The following SMAD3 variants were observed in gnomAD, a reference collection of about 807,000 sequenced individuals.
SMAD3 encodes the protein MAD homolog 3.
SMAD3 carries 12 observed loss-of-function variants against 51.8 expected under a neutral mutation model. That is an observed-to-expected ratio of 0.23 (90% confidence interval 0.15 to 0.38). The LOEUF is 0.38. Among genes scored for constraint, SMAD3 ranks in the 10% least tolerant of loss-of-function variants. The probability of loss-of-function intolerance (pLI) is 1.00; values close to 1 mark genes in which losing one functional copy is unlikely to be tolerated. For synonymous variants in SMAD3, 238 were observed against 227.7 expected (o/e 1.05, Z -0.41); for missense variants, 294 against 565.6 (o/e 0.52, Z 4.87).
chr15:67,077,889 G>C (rs893735954), intron 1 of SMAD3: 8 of 152,288 alleles, frequency 5.3e-5, no homozygotes, highest in African/African-American at 1.9e-4. Context: ...GCCAAACTTC[G>C]TACTTTGTGT....
At chr15:67,137,999 G>C (rs146714608) in intron 1 of SMAD3, 6 of 1,459,054 alleles carry the variant, frequency 4.1e-6, no homozygotes, top group Non-Finnish European at 4.7e-6. Flanking sequence ...CCTCCCTCCC[G>C]TCCCTGTGAC....
At chr15:67,187,094 C>T (rs935561130) in intron 7 of SMAD3, 10 of 623,856 alleles carry the variant, frequency 1.6e-5, no homozygotes, top group Admixed American at 8.4e-5. Context: ...CTCTGGGAGT[C>T]GGAGCTTGTG....
chr15:67,181,377 T>C lies in SMAD3; in HGVS notation c.795T>C (p.Asn265=). The C allele has an allele frequency of 6.2e-7, 1 of 1,614,118 alleles. No homozygotes were observed. The highest frequency in any genetic ancestry group is 8.5e-7 in the Non-Finnish European group (1 of 1,180,020). The change falls in exon 6 of 9, where the codon AAT becomes AAC. Residue 265 remains asparagine, a synonymous_variant. Coordinates refer to ENST00000327367, the MANE Select transcript of SMAD3 (RefSeq NM_005902.4). ...MTVDGFTDPS[N]SERFCLGLLS... ...TGGATGGCTTCACCGACCCCTCCAA[T>C]TCGGAGCGCTTCTGCCTAGGGCTGC...
rs906017041 is a variant in SMAD3, at chr15:67,126,091, G to A, written c.207-38804G>A. The A allele has an allele frequency of 1.6e-5, 8 of 503,346 alleles. No individual in the cohort carries two copies. The Admixed American group carries it at 1.9e-4, about 12-fold the overall frequency. 31.2% of individuals were successfully genotyped at this position (503,346 alleles called of 1,614,324 possible). On this transcript the variant is annotated intron_variant, in intron 1 of 8. Coordinates refer to ENST00000327367, the MANE Select transcript of SMAD3 (RefSeq NM_005902.4). ...ACTCCCTGAGTCCTTAGGGAATTGC[G>A]TAGTTTTTTTCTTTTCTTTTCTGGG...
chr15:67,163,903 C>T (rs1962497311), intron 1 of SMAD3, among the ~76,000 whole-genome samples: 1 of 141,480 alleles, frequency 7.1e-6, no homozygotes, highest in South Asian at 2.2e-4. Flanking sequence ...CATGCCACTG[C>T]ACTCCAGCCT....
intron 4 of SMAD3, among the ~76,000 whole-genome samples, chr15:67,168,704 C>T (rs77813578): frequency 0.055 from 8,359 of 152,188 alleles, 308 homozygotes; most frequent in Admixed American, 0.095. Context: ...TCCCTTCTTC[C>T]TTTCTTCTCA....
At chr15:67,090,663 G>A (rs1426278591) in intron 1 of SMAD3, among the ~76,000 whole-genome samples, 2 of 152,118 alleles carry the variant, frequency 1.3e-5, no homozygotes, top group African/African-American at 4.8e-5. Context: ...AGGCTGAGCT[G>A]TTGTCCCCTG....
chr15:67,104,358 A>G (rs573080544), intron 1 of SMAD3, among the ~76,000 whole-genome samples: 17 of 152,218 alleles, frequency 1.1e-4, no homozygotes, highest in Admixed American at 3.3e-4. Flanking sequence ...ATCGGGGAAG[A>G]GACACTAATC....
intron 1 of SMAD3, among the ~76,000 whole-genome samples, chr15:67,157,148 G>C (rs1383648359): frequency 6.6e-6 from 1 of 152,236 alleles, no homozygotes; most frequent in Admixed American, 6.5e-5. Flanking sequence ...AAGTTTGTCT[G>C]AAAGTGACTA....
rs779179350 is a variant in SMAD3, at chr15:67,181,266, GC to G, written c.686del (p.Pro229ArgfsTer12). The G allele has an allele frequency of 6.2e-7, 1 of 1,613,234 alleles. No homozygotes were observed. Among genetic ancestry groups the G allele is most frequent in the East Asian group, 2.2e-5 (1 of 44,878 alleles). ...LDLQPVTYCEPAFWCSISYYE... is the reference protein window; with the variant it reads ...LDLQPVTYCEXAFWCSISYYE... Reference sequence around the variant, plus strand: ...ACCTGCAGCCAGTTACCTACTGCGAGCCGGCCTTCTGGTGCTCCATCTCCTA... The same window carrying G: ...ACCTGCAGCCAGTTACCTACTGCGAGCGGCCTTCTGGTGCTCCATCTCCTA... On this transcript the variant is annotated frameshift_variant, in exon 6 of 9. Transcript: ENST00000327367. LOFTEE classifies it high-confidence loss of function.
chr15:67,190,681 C>A lies in SMAD3; in HGVS notation c.*145C>A. 1.2e-6 allele frequency: 1 copy of A among 814,824 alleles called. No individual in the cohort carries two copies. Among genetic ancestry groups the A allele is most frequent in the South Asian group, 1.6e-5 (1 of 61,786 alleles). 50.5% of individuals were successfully genotyped at this position (814,824 alleles called of 1,614,324 possible). A position where few individuals can be genotyped will look rare whatever the true frequency, so the allele number is the denominator to read the frequency against. On this transcript the variant is annotated 3_prime_UTR_variant, in exon 9 of 9. Coordinates refer to ENST00000327367, the MANE Select transcript of SMAD3 (RefSeq NM_005902.4). ...CTGAAGGGGTGCACCCACCTGTTTT[C>A]TGAAACACACGAGCAAACCCAGAGG...
At chr15:67,182,990 AAAAAAAAAAAAT>A (rs1368980257) in intron 6 of SMAD3, among the ~76,000 whole-genome samples, 11 of 31,322 alleles carry the variant, frequency 3.5e-4, no homozygotes, top group African/African-American at 1.5e-3. Flanking sequence ...TTTTATTAAA[AAAAAAAAAAAAT>A]ATATATATAT....
At chr15:67,076,255 C>T (rs1960166671) in intron 1 of SMAD3, among the ~76,000 whole-genome samples, 1 of 152,150 alleles carries the variant, frequency 6.6e-6, no homozygotes, top group African/African-American at 2.4e-5. Flanking sequence ...CCCCCATCAC[C>T]TTCTCTATCA....
chr15:67,144,280 AT>A (rs1232473486), intron 1 of SMAD3, among the ~76,000 whole-genome samples: 1 of 151,990 alleles, frequency 6.6e-6, no homozygotes, highest in Non-Finnish European at 1.5e-5. Flanking sequence ...ATTTTTTTTA[AT>A]GCAGCATAAT....
At chr15:67,179,619 C>A (rs1962998877) in intron 5 of SMAD3, among the ~76,000 whole-genome samples, 1 of 152,128 alleles carries the variant, frequency 6.6e-6, no homozygotes, top group Non-Finnish European at 1.5e-5. Flanking sequence ...CACCTAGACT[C>A]CAAAAGGGGA....
chr15:67,073,324 T>C (rs1960097311), intron 1 of SMAD3, among the ~76,000 whole-genome samples: 1 of 152,240 alleles, frequency 6.6e-6, no homozygotes, highest in African/African-American at 2.4e-5. Flanking sequence ...TGGCAACTGC[T>C]GTAGAATGTT....
chr15:67,101,782 G>A (rs116852556), intron 1 of SMAD3, among the ~76,000 whole-genome samples: 110 of 152,316 alleles, frequency 7.2e-4, no homozygotes, highest in Non-Finnish European at 1.3e-3. Flanking sequence ...GAATGTGAAT[G>A]ATATTTCTGG....
In SMAD3 at chr15:67,115,180, G is replaced by T. The variant is rs190097924; in HGVS notation, c.206+48820G>T. Among the ~76,000 whole-genome samples the T allele has an allele frequency of 1.0e-3, 154 of 152,246 alleles. No homozygotes were observed. The Middle Eastern group carries it at 0.017, about 17-fold the overall frequency. On this transcript the variant is annotated intron_variant, in intron 1 of 8. Coordinates refer to ENST00000327367, the MANE Select transcript of SMAD3 (RefSeq NM_005902.4). ...TGCACTGACAATCTTTGAATTCCTG[G>T]AACTCATGCCATGAGCACTTCCAGG... is the stretch of plus-strand genomic sequence containing the variant.
At chr15:67,141,833 G>T (rs1446515508) in intron 1 of SMAD3, among the ~76,000 whole-genome samples, 2 of 152,140 alleles carry the variant, frequency 1.3e-5, no homozygotes, top group African/African-American at 4.8e-5. Context: ...GCTGAACTTG[G>T]GGTTGAGTGC....
Sources: allele counts gnomAD v4.1 joint callset (sites outside exome capture counted in the v4.1 genomes callset), GRCh38; gene constraint gnomAD v4.1.1; transcripts MANE v1.5; gene names NCBI Gene and HGNC (gene_info 2026-07-23, HGNC 2026-07-21).